Variants in ME1 observed in about 807,000 individuals in gnomAD.
ME1 encodes malic enzyme 1.
ME1 carries 74 observed loss-of-function variants against 66.4 expected under a neutral mutation model. That is an observed-to-expected ratio of 1.11 (90% CI 0.92 to 1.35). The LOEUF is 1.35. Ranked by LOEUF, ME1 falls within the 40% of genes most tolerant of loss-of-function variation. The pLI, the probability that ME1 is intolerant of heterozygous loss-of-function variation, is 0.00. For synonymous variants in ME1, 251 were observed against 235.6 expected (o/e 1.07, Z -0.60); for missense variants, 750 against 694.1 (o/e 1.08, Z -0.90).
intron 6 of ME1, among the ~76,000 whole-genome samples, chr6:83,270,285 C>T (rs1022951710): frequency 1.3e-5 from 2 of 152,076 alleles, no homozygotes; most frequent in African/African-American, 2.4e-5. Context: ...AATTGCCACT[C>T]TTCATTCCTT....
At chr6:83,259,881 A>G (rs939663182) in intron 6 of ME1, among the ~76,000 whole-genome samples, 14 of 152,144 alleles carry the variant, frequency 9.2e-5, no homozygotes, top group Non-Finnish European at 2.9e-5. Flanking sequence ...ATAATCATCC[A>G]TTCTTTTCCC....
intron 2 of ME1, among the ~76,000 whole-genome samples, chr6:83,400,217 C>T (rs776119717): frequency 1.3e-5 from 2 of 152,208 alleles, no homozygotes; most frequent in East Asian, 3.9e-4. Context: ...GTATTTGGAT[C>T]ATGGGGGTGG....
chr6:83,347,049 G>A (rs988079441), intron 4 of ME1, among the ~76,000 whole-genome samples: 4 of 152,026 alleles, frequency 2.6e-5, no homozygotes, highest in East Asian at 3.8e-4. Flanking sequence ...TGCCTACCGG[G>A]TTCAGGCAAT....
At chr6:83,395,286 C>T (rs1003303321) in intron 3 of ME1, among the ~76,000 whole-genome samples, 1 of 151,780 alleles carries the variant, frequency 6.6e-6, no homozygotes, top group Non-Finnish European at 1.5e-5. Context: ...AGGGTTTCAC[C>T]ATGTTGGCCA....
In ME1 at chr6:83,354,017, G is replaced by C. The variant is rs1055262546; in HGVS notation, c.363-1878C>G. On this transcript the variant is annotated intron_variant, in intron 3 of 13. Coordinates refer to ENST00000369705, the MANE Select transcript of ME1 (RefSeq NM_002395.6). ...CTAATCACTACCTGCTTCTTCTCAGGTTCCTTTGCTGCCTCCTCCTCCTCT... is the reference window on the plus strand; with the variant it reads ...CTAATCACTACCTGCTTCTTCTCAGCTTCCTTTGCTGCCTCCTCCTCCTCT... Among the ~76,000 whole-genome samples, 168 of 152,162 alleles carry C rather than the reference G, an allele frequency of 1.1e-3. 2 individuals carry two copies. The highest frequency in any genetic ancestry group is 1.2e-4 in the Non-Finnish European group (8 of 67,998).
chr6:83,356,476 T>C (rs1222006693), intron 3 of ME1, among the ~76,000 whole-genome samples: 1 of 152,078 alleles, frequency 6.6e-6, no homozygotes, highest in Non-Finnish European at 1.5e-5. Context: ...AAATTTAGGA[T>C]AGATATGCCT....
At chr6:83,353,676 T>C (rs750289258) in intron 3 of ME1, among the ~76,000 whole-genome samples, 2 of 152,192 alleles carry the variant, frequency 1.3e-5, no homozygotes, top group African/African-American at 2.4e-5. Flanking sequence ...TTGATATTCA[T>C]ATTATCTCAT....
At chr6:83,275,020 G>A (rs183052586) in intron 6 of ME1, among the ~76,000 whole-genome samples, 1 of 152,250 alleles carries the variant, frequency 6.6e-6, no homozygotes, top group East Asian at 1.9e-4. Flanking sequence ...ATTTTAAAAT[G>A]GTAACAGCAA....
intron 3 of ME1, chr6:83,393,107 C>T (rs1769657037): frequency 6.2e-6 from 9 of 1,446,466 alleles, no homozygotes; most frequent in Non-Finnish European, 8.6e-6. Context: ...CCTTCCGTGT[C>T]CCCACTGCCA....
At chr6:83,351,298 T>C (rs1583395607) in intron 4 of ME1, among the ~76,000 whole-genome samples, 5 of 152,160 alleles carry the variant, frequency 3.3e-5, no homozygotes, top group Admixed American at 3.3e-4. Context: ...CTGAAGTGCC[T>C]TTGTACCACC....
At chr6:83,293,660 T>C (rs1326243601) in intron 6 of ME1, among the ~76,000 whole-genome samples, 1 of 152,140 alleles carries the variant, frequency 6.6e-6, no homozygotes, top group Admixed American at 6.5e-5. Context: ...TGCATAAATG[T>C]GTGGGATGGG....
At chr6:83,416,138 G>T (rs1179324652) in intron 1 of ME1, among the ~76,000 whole-genome samples, 1 of 152,096 alleles carries the variant, frequency 6.6e-6, no homozygotes, top group Non-Finnish European at 1.5e-5. Context: ...CTCAATTATT[G>T]CATCTGCTAA....
intron 5 of ME1, among the ~76,000 whole-genome samples, chr6:83,340,485 C>T (rs1768557281): frequency 6.6e-6 from 1 of 152,106 alleles, no homozygotes; most frequent in Non-Finnish European, 1.5e-5. Context: ...CATCTATGTT[C>T]ACGTGAGGTA....
chr6:83,399,438 A>G (rs1425319053), intron 2 of ME1, among the ~76,000 whole-genome samples: 1 of 152,254 alleles, frequency 6.6e-6, no homozygotes, highest in Admixed American at 6.5e-5. Context: ...AGATGAAAAT[A>G]TAACTATAGA....
chr6:83,253,355 A>C (rs1210296527), intron 7 of ME1, among the ~76,000 whole-genome samples: 4 of 152,086 alleles, frequency 2.6e-5, no homozygotes, highest in Non-Finnish European at 4.4e-5. Context: ...GGTCTCATAC[A>C]TTTCATTCTT....
At chr6:83,389,390 C>T (rs1267698608) in intron 3 of ME1, among the ~76,000 whole-genome samples, 1 of 151,872 alleles carries the variant, frequency 6.6e-6, no homozygotes, top group African/African-American at 2.4e-5. Flanking sequence ...ATGAGAAATA[C>T]AAGAATAATT....
chr6:83,250,438 G>A (rs573632174), intron 7 of ME1, among the ~76,000 whole-genome samples: 1 of 152,270 alleles, frequency 6.6e-6, no homozygotes, highest in South Asian at 2.1e-4. Flanking sequence ...AGCTAGTAAA[G>A]GGCAAAGCAA....
At chr6:83,243,845 A>ATAT (rs1387381812) in intron 7 of ME1, among the ~76,000 whole-genome samples, 1 of 129,428 alleles carries the variant, frequency 7.7e-6, no homozygotes, top group African/African-American at 2.9e-5. Flanking sequence ...AATATAAATT[A>ATAT]TATATATAAT....
chr6:83,240,521 A>C (rs7747650), intron 7 of ME1, among the ~76,000 whole-genome samples: 3 of 152,134 alleles, frequency 2.0e-5, no homozygotes, highest in Non-Finnish European at 2.9e-5. Context: ...CTCTTGCTTT[A>C]AGTGTAATTA....
Sources: gnomAD v4.1 joint callset for allele counts (sites outside exome capture counted in the v4.1 genomes callset) on GRCh38, gnomAD v4.1.1 for gene constraint, MANE v1.5 for transcripts, NCBI Gene and HGNC (gene_info 2026-07-23, HGNC 2026-07-21) for gene names.